LRRK1: variants seen among roughly 807,000 people sequenced by gnomAD.
LRRK1 encodes leucine-rich repeat serine/threonine-protein kinase 1.
LRRK1 carries 113 observed loss-of-function variants against 209.1 expected under a neutral mutation model. The ratio of observed to expected loss-of-function variants is 0.54; its 90% CI spans 0.46 to 0.63. LRRK1 has a LOEUF of 0.63. LRRK1 is among the 30% of genes least tolerant of loss of function. The probability of loss-of-function intolerance (pLI) is 0.00; values close to 1 mark genes in which losing one functional copy is unlikely to be tolerated. For synonymous variants in LRRK1, 1,144 were observed against 1,099.7 expected (o/e 1.04, Z -0.80); for missense variants, 2,284 against 2,632.2 (o/e 0.87, Z 2.89).
In LRRK1 at chr15:101,024,923, G is replaced by C; in HGVS notation, c.2188G>C (p.Glu730Gln). The change falls in exon 16 of 34, where the codon GAG becomes CAG. Residue 730 changes from glutamate to glutamine, a missense_variant. Physicochemically the swap from Glu to Gln is conservative, Grantham distance 29. Transcript: ENST00000388948. This position sits in a 1 kb window ranked among gnomAD's most constrained non-coding sequence, Gnocchi z 4.6. ...GGTGGTCTGGAACCTGGCGCTGGGG[G>C]AGGAGGCCGTGGCCAACCTCCAGTT... Reference protein sequence around the residue: ...YVVVWNLALGEEAVANLQFWL... With the variant: ...YVVVWNLALGQEAVANLQFWL... 6.2e-7 allele frequency: 1 copy of C among 1,614,104 alleles called. No homozygotes were observed. Among genetic ancestry groups the C allele is most frequent in the Non-Finnish European group, 8.5e-7 (1 of 1,180,012 alleles).
At chr15:101,045,079 A>G (rs2034985333) in intron 20 of LRRK1, among the ~76,000 whole-genome samples, 1 of 152,110 alleles carries the variant, frequency 6.6e-6, no homozygotes. Context: ...CCCATTGTAT[A>G]CCCATGTGTC....
intron 11 of LRRK1, among the ~76,000 whole-genome samples, chr15:101,015,091 A>C (rs1316903239): frequency 6.6e-6 from 1 of 152,192 alleles, no homozygotes; most frequent in African/African-American, 2.4e-5. Context: ...CGTTATCTGC[A>C]GAAGGCCACT....
At position 100,983,709 on chromosome 15, in the gene LRRK1, A is replaced by G; in HGVS notation, c.433+10A>G. 4 of 1,607,292 alleles carry G rather than the reference A, an allele frequency of 2.5e-6. No individual in the cohort carries two copies. The highest frequency in any genetic ancestry group is 1.7e-4 in the Middle Eastern group (1 of 6,028). ...CTTGAGTCCTTACCAGGTAAATCAC[A>G]GGGCATGAGCTCTTAACCGTGTCTC... On this transcript the variant is annotated intron_variant, in intron 4 of 33. Coordinates refer to ENST00000388948, the MANE Select transcript of LRRK1 (RefSeq NM_024652.6).
At position 100,973,274 on chromosome 15, in the gene LRRK1, C is replaced by T. The variant is rs28442051; in HGVS notation, c.98-530C>T. Among the ~76,000 whole-genome samples the T allele has an allele frequency of 8.9e-4, 136 of 152,354 alleles. 3 individuals carry two copies. Among genetic ancestry groups the T allele is most frequent in the African/African-American group, 3.2e-3 (132 of 41,588 alleles). ...GCGACCCGAGGCCCGGTGTCGTCCC[C>T]CATCGTTACGCAGCGCGTTCGTGCC... On this transcript the variant is annotated intron_variant, in intron 2 of 33. Coordinates refer to ENST00000388948, the MANE Select transcript of LRRK1 (RefSeq NM_024652.6).
intron 23 of LRRK1, among the ~76,000 whole-genome samples, chr15:101,050,254 G>A (rs1030332722): frequency 4.6e-5 from 7 of 152,168 alleles, no homozygotes; most frequent in African/African-American, 7.2e-5. Flanking sequence ...CACCCATCCC[G>A]GCGGTGATCA....
At chr15:101,060,404 A>C (rs1309705987) in intron 29 of LRRK1, among the ~76,000 whole-genome samples, 1 of 152,182 alleles carries the variant, frequency 6.6e-6, no homozygotes, top group Non-Finnish European at 1.5e-5. Context: ...AAATGATGGG[A>C]AAAGGAGACA....
Position 101,008,818 on chromosome 15 carries a change from C to T in LRRK1, c.763-19C>T. 2 of 1,591,786 alleles carry T rather than the reference C, an allele frequency of 1.3e-6. No homozygotes were observed. The highest frequency in any genetic ancestry group is 1.7e-6 in the Non-Finnish European group (2 of 1,159,616). On this transcript the variant is annotated intron_variant, in intron 6 of 33. Transcript: ENST00000388948. ...GAACTCACCCTCCACATGTGCTTTT[C>T]CTTTCTTTCCACCACCAGGCTCTCC... is the stretch of plus-strand genomic sequence containing the variant.
chr15:100,927,593 G>A (rs563060340), intron 2 of LRRK1, among the ~76,000 whole-genome samples: 94 of 152,320 alleles, frequency 6.2e-4, no homozygotes, highest in African/African-American at 2.2e-3. Context: ...TGAGAATGAG[G>A]GAGGTGTTTG....
Position 101,024,699 on chromosome 15 carries a change from A to C in LRRK1, c.2068-104A>C. On this transcript the variant is annotated intron_variant, in intron 15 of 33. Coordinates refer to ENST00000388948, the MANE Select transcript of LRRK1 (RefSeq NM_024652.6). The surrounding 1 kb of genome is among the most constrained non-coding windows in gnomAD (Gnocchi z 4.6). Reference sequence around the variant, plus strand: ...AGAACTTTTCCACGGTTGTTTTTTCAGACCCCCGAGTCCAGCCTCCAGAGT... The same window carrying C: ...AGAACTTTTCCACGGTTGTTTTTTCCGACCCCCGAGTCCAGCCTCCAGAGT... The C allele has an allele frequency of 7.9e-7, 1 of 1,262,906 alleles. No homozygotes were observed. The highest frequency in any genetic ancestry group is 1.1e-6 in the Non-Finnish European group (1 of 904,462). The allele number at this position is 1,262,906 out of a possible 1,614,324, so 78.2% of individuals were successfully genotyped here.
chr15:101,023,122 G>A (rs1333062677), intron 15 of LRRK1, among the ~76,000 whole-genome samples: 2 of 152,150 alleles, frequency 1.3e-5, no homozygotes, highest in African/African-American at 4.8e-5. Context: ...ACCAGCATCT[G>A]CCCCCTGATG....
chr15:101,002,329 C>T (rs1275189264), intron 6 of LRRK1, among the ~76,000 whole-genome samples: 1 of 152,206 alleles, frequency 6.6e-6, no homozygotes, highest in Non-Finnish European at 1.5e-5. Context: ...ACACCTAATC[C>T]TTCTTGAAAG....
chr15:100,980,116 C>T (rs927134128), intron 3 of LRRK1, among the ~76,000 whole-genome samples: 21 of 152,266 alleles, frequency 1.4e-4, no homozygotes, highest in African/African-American at 4.8e-4. Flanking sequence ...CACATGAAAA[C>T]TTGCTCATGA....
intron 2 of LRRK1, among the ~76,000 whole-genome samples, chr15:100,972,917 T>TACACACAC (rs10629976): frequency 0.44 from 54,678 of 123,736 alleles, 10,591 homozygotes; most frequent in East Asian, 0.65. Flanking sequence ...CGAAAAACTG[T>TACACACAC]ACACACACAC....
intron 32 of LRRK1, among the ~76,000 whole-genome samples, 160 bp downstream of exon 32, chr15:101,066,365 T>C (rs2925202): frequency 0.26 from 39,491 of 152,164 alleles, 5,794 homozygotes; most frequent in East Asian, 0.34. Flanking sequence ...ATGGAAGCGA[T>C]CGCTTTAGCA....
chr15:101,045,875 G>A, intron 20 of LRRK1, 106 bp from the exon 21 acceptor site: 1 of 902,748 alleles, frequency 1.1e-6, no homozygotes, highest in Non-Finnish European at 1.8e-6. Context: ...AGCAGCCTGA[G>A]GTGTTCCAGC....
intron 12 of LRRK1, among the ~76,000 whole-genome samples, chr15:101,017,879 G>A (rs1038414547): frequency 5.9e-5 from 9 of 151,780 alleles, no homozygotes; most frequent in Admixed American, 2.0e-4. Flanking sequence ...GACAAAACAC[G>A]ATACTAGATT....
chr15:100,921,399 G>A (rs1310443306), intron 1 of LRRK1, among the ~76,000 whole-genome samples: 4 of 152,218 alleles, frequency 2.6e-5, no homozygotes, highest in African/African-American at 7.2e-5. Context: ...ATAGGCAAAA[G>A]CCAATGCTAG....
chr15:101,008,466 G>A (rs1034496804), intron 6 of LRRK1, among the ~76,000 whole-genome samples: 1 of 152,180 alleles, frequency 6.6e-6, no homozygotes, highest in Non-Finnish European at 1.5e-5. Flanking sequence ...CCAGTCTGGG[G>A]GAGGCGCCTG....
chr15:100,941,910 C>T (rs748349936), intron 2 of LRRK1, among the ~76,000 whole-genome samples: 16 of 152,332 alleles, frequency 1.1e-4, no homozygotes, highest in South Asian at 2.1e-4. Context: ...TCCTCCCAGT[C>T]GCCCTGCTGG....
Sources: allele counts gnomAD v4.1 joint callset (sites outside exome capture counted in the v4.1 genomes callset), GRCh38; gene constraint gnomAD v4.1.1; non-coding constraint Gnocchi (gnomAD v3.1); transcripts MANE v1.5; gene names NCBI Gene and HGNC (gene_info 2026-07-23, HGNC 2026-07-21).